MPPED2: variants seen among roughly 807,000 people sequenced by gnomAD.
MPPED2 encodes metallophosphoesterase domain containing 2.
In MPPED2, 5 loss-of-function variants were observed where a neutral mutation model predicts 33.0. The ratio of observed to expected loss-of-function variants is 0.15; its 90% CI spans 0.08 to 0.32. The LOEUF (loss-of-function observed/expected upper bound fraction) is 0.32, where lower values mean the gene tolerates loss of function less well. MPPED2 is among the 10% of genes least tolerant of loss of function. The pLI, the probability that MPPED2 is intolerant of heterozygous loss-of-function variation, is 1.00. For synonymous variants in MPPED2, 136 were observed against 141.9 expected, an observed-to-expected ratio of 0.96 and a Z score of 0.29; for missense variants, 275 against 372.1, an observed-to-expected ratio of 0.74 and a Z score of 2.15.
chr11:30,575,188 A>G (rs775819974), intron 2 of MPPED2, among the ~76,000 whole-genome samples: 2 of 152,176 alleles, frequency 1.3e-5, no homozygotes, highest in Non-Finnish European at 2.9e-5. Flanking sequence ...AGCGATGGCC[A>G]AGCAACACTG....
intron 3 of MPPED2, among the ~76,000 whole-genome samples, chr11:30,500,846 G>A (rs375827779): frequency 1.4e-4 from 21 of 152,256 alleles, no homozygotes; most frequent in African/African-American, 4.3e-4. Flanking sequence ...GTGAAGGAAC[G>A]AATGAACCTC....
At chr11:30,445,386 G>C (rs1949758142) in intron 4 of MPPED2, among the ~76,000 whole-genome samples, 1 of 152,210 alleles carries the variant, frequency 6.6e-6, no homozygotes, top group South Asian at 2.1e-4. Context: ...TCTATTGTTA[G>C]ACTGGTATTC....
At chr11:30,553,294 A>G (rs991583541) in intron 2 of MPPED2, among the ~76,000 whole-genome samples, 1 of 152,202 alleles carries the variant, frequency 6.6e-6, no homozygotes, top group African/African-American at 2.4e-5. Flanking sequence ...GGTAGAAAAA[A>G]CAATGTAGAA....
At chr11:30,516,439 A>G (rs1026774039) in intron 3 of MPPED2, among the ~76,000 whole-genome samples, 2 of 152,184 alleles carry the variant, frequency 1.3e-5, no homozygotes, top group African/African-American at 4.8e-5. Flanking sequence ...CCCTAACATG[A>G]ATATTAAACT....
At chr11:30,399,932 T>G (rs1947887383) in intron 6 of MPPED2, among the ~76,000 whole-genome samples, 1 of 152,256 alleles carries the variant, frequency 6.6e-6, no homozygotes, top group Non-Finnish European at 1.5e-5. Flanking sequence ...ACACTGTATT[T>G]AAAACATTTA....
At chr11:30,487,700 T>G (rs1050566271) in intron 4 of MPPED2, among the ~76,000 whole-genome samples, 4 of 152,020 alleles carry the variant, frequency 2.6e-5, no homozygotes, top group Non-Finnish European at 5.9e-5. Context: ...GGTCTCAAAC[T>G]CCTGAGCTCA....
In MPPED2 at chr11:30,495,487, A is replaced by T; in HGVS notation, c.345T>A (p.Ala115=). The change falls in exon 4 of 7, where the codon GCT becomes GCA. Residue 115 remains alanine (A), a synonymous_variant. Coordinates refer to ENST00000358117, the MANE Select transcript of MPPED2 (RefSeq NM_001584.3). Reference sequence around the variant, plus strand: ...TATCAAATGTCAGTTCATGATTCCCAGCAATCACTATTTTATATTCATATG... The same window carrying T: ...TATCAAATGTCAGTTCATGATTCCCTGCAATCACTATTTTATATTCATATG... The part of the protein sequence containing the change: ...NLPYEYKIVI[A]GNHELTFDKE... The T allele has an allele frequency of 6.2e-7, 1 of 1,614,134 alleles. No individual in the cohort carries two copies. The highest frequency in any genetic ancestry group is 8.5e-7 in the Non-Finnish European group (1 of 1,179,968).
chr11:30,414,611 G>A (rs1336879732), intron 5 of MPPED2, among the ~76,000 whole-genome samples: 1 of 151,650 alleles, frequency 6.6e-6, no homozygotes, highest in Non-Finnish European at 1.5e-5. Context: ...TTCAGCCATG[G>A]GTTTCAAATC....
At chr11:30,541,327 T>C (rs138700405) in intron 2 of MPPED2, among the ~76,000 whole-genome samples, 41 of 152,352 alleles carry the variant, frequency 2.7e-4, no homozygotes, top group African/African-American at 7.9e-4. Flanking sequence ...CTTCCGGCCA[T>C]ATTTATTATT....
At chr11:30,538,772 T>C (rs1456343347) in intron 2 of MPPED2, among the ~76,000 whole-genome samples, 1 of 152,058 alleles carries the variant, frequency 6.6e-6, no homozygotes, top group East Asian at 1.9e-4. Context: ...AGAAATAATG[T>C]GTAGACACTA....
chr11:30,466,409 G>A (rs1281562357), intron 4 of MPPED2, among the ~76,000 whole-genome samples: 5 of 152,226 alleles, frequency 3.3e-5, no homozygotes, highest in African/African-American at 9.6e-5. Context: ...CTGCCATGGG[G>A]CTGGAGTGAT....
intron 1 of MPPED2, among the ~76,000 whole-genome samples, chr11:30,585,762 C>T (rs1437687369): frequency 1.3e-5 from 2 of 152,040 alleles, no homozygotes; most frequent in African/African-American, 4.8e-5. Context: ...AGGGAAGACA[C>T]CTCCTAAAAA....
intron 4 of MPPED2, among the ~76,000 whole-genome samples, chr11:30,446,007 GCATGTGTA>G (rs755428135): frequency 7.9e-5 from 12 of 152,200 alleles, no homozygotes; most frequent in Non-Finnish European, 1.6e-4. Context: ...GGTGACAGTG[GCATGTGTA>G]CATGTGTACG....
At chr11:30,431,034 A>G (rs1158965354) in intron 4 of MPPED2, among the ~76,000 whole-genome samples, 1 of 152,226 alleles carries the variant, frequency 6.6e-6, no homozygotes, top group Non-Finnish European at 1.5e-5. Context: ...TGCAATATAT[A>G]TATGCAAGGT....
intron 4 of MPPED2, among the ~76,000 whole-genome samples, chr11:30,480,079 G>T (rs1951410786): frequency 2.0e-5 from 3 of 152,132 alleles, no homozygotes. Context: ...GTGATCTAGA[G>T]ATCAGCAAAG....
At chr11:30,456,439 G>A (rs888590094) in intron 4 of MPPED2, among the ~76,000 whole-genome samples, 1 of 152,172 alleles carries the variant, frequency 6.6e-6, no homozygotes, top group African/African-American at 2.4e-5. Flanking sequence ...GGTAACAGAT[G>A]TTGGGGTCAC....
At chr11:30,427,910 A>T (rs916164114) in intron 4 of MPPED2, among the ~76,000 whole-genome samples, 3 of 152,206 alleles carry the variant, frequency 2.0e-5, no homozygotes, top group Non-Finnish European at 4.4e-5. Flanking sequence ...CAGATGGCTA[A>T]ATGCAAGTGG....
intron 3 of MPPED2, among the ~76,000 whole-genome samples, chr11:30,511,305 A>G (rs540524941): frequency 2.0e-5 from 3 of 152,358 alleles, no homozygotes; most frequent in African/African-American, 7.2e-5. Flanking sequence ...TGCAGCAAAC[A>G]GAACAGGGTC....
intron 1 of MPPED2, among the ~76,000 whole-genome samples, chr11:30,585,712 A>T (rs1362218882): frequency 5.9e-5 from 9 of 151,894 alleles, no homozygotes. Flanking sequence ...TGATGGCTGG[A>T]GGGGGTGGAG....
Sources: gnomAD v4.1 joint callset for allele counts (sites outside exome capture counted in the v4.1 genomes callset) on GRCh38, gnomAD v4.1.1 for gene constraint, MANE v1.5 for transcripts, NCBI Gene and HGNC (gene_info 2026-07-23, HGNC 2026-07-21) for gene names.